LRBA: variants seen among roughly 807,000 people sequenced by gnomAD.
LRBA encodes the protein lipopolysaccharide-responsive and beige-like anchor protein.
A neutral mutation model predicts 330.0 loss-of-function variants in LRBA; 176 were observed. The ratio of observed to expected loss-of-function variants is 0.53; its 90% CI spans 0.47 to 0.60. The LOEUF is 0.60. Ranked by LOEUF, LRBA falls within the 20% of genes least tolerant of loss-of-function variation. LRBA has a pLI of 0.00. For synonymous variants in LRBA, 1,230 were observed against 1,193.0 expected (o/e 1.03, Z -0.64); for missense variants, 3,259 against 3,444.8 (o/e 0.95, Z 1.35).
At chr4:150,889,912 C>G (rs1729300036) in intron 17 of LRBA, among the ~76,000 whole-genome samples, 1 of 151,694 alleles carries the variant, frequency 6.6e-6, no homozygotes, top group South Asian at 2.1e-4. Context: ...AGTGCCACAA[C>G]AAAATTTTAT....
At chr4:150,463,899 G>T (rs1223651525) in intron 44 of LRBA, among the ~76,000 whole-genome samples, 1 of 151,710 alleles carries the variant, frequency 6.6e-6, no homozygotes, top group African/African-American at 2.4e-5. Context: ...CAAAGATGAG[G>T]GGCAGAGAAT....
intron 36 of LRBA, among the ~76,000 whole-genome samples, chr4:150,720,158 A>C (rs1195131592): frequency 6.6e-6 from 1 of 152,164 alleles, no homozygotes; most frequent in South Asian, 2.1e-4. Context: ...AGCCAACAGA[A>C]TATCTGCACA....
intron 2 of LRBA, among the ~76,000 whole-genome samples, chr4:150,973,127 A>T (rs1561077482): frequency 6.7e-6 from 1 of 149,344 alleles, no homozygotes; most frequent in Non-Finnish European, 1.5e-5. Flanking sequence ...CTCTATTTTT[A>T]AAATTAAATA....
chr4:150,705,953 G>A lies in LRBA; in HGVS notation c.5755-22236C>T, dbSNP rs1411782861. ...AGTCAATTCAATTAGACAAGGAAAC[G>A]TAATTACAAGAATTAAAGTTGGTAA... On this transcript the variant is annotated intron_variant, in intron 36 of 56. Transcript: ENST00000651943. Among the ~76,000 whole-genome samples the A allele has an allele frequency of 2.6e-5, 4 of 151,868 alleles. No individual in the cohort carries two copies. In the South Asian group the frequency reaches 6.2e-4, roughly 24 times the overall value.
rs534521476 is a variant in LRBA at position 150,783,417 on chromosome 4, C to T, written c.5580+14664G>A. 1.1e-3 allele frequency among the ~76,000 whole-genome samples: 167 copies of T among 152,200 alleles called. 1 individual carries two copies. The highest frequency in any genetic ancestry group is 3.2e-3 in the African/African-American group (132 of 41,528). Reference sequence around the variant, plus strand: ...GCTCTCAAGTAAAGAAATAGGTAAGCTTTTCTGAGAAAAAGAAATAAAAAG... The same window carrying T: ...GCTCTCAAGTAAAGAAATAGGTAAGTTTTTCTGAGAAAAAGAAATAAAAAG... On this transcript the variant is annotated intron_variant, in intron 34 of 56. Coordinates refer to ENST00000651943, the MANE Select transcript of LRBA (RefSeq NM_001364905.1).
intron 37 of LRBA, among the ~76,000 whole-genome samples, chr4:150,647,352 CTTTTTTTTTT>C (rs769403201): frequency 1.3e-5 from 1 of 79,798 alleles, no homozygotes. Flanking sequence ...ATTACTTTTT[CTTTTTTTTTT>C]TTTTTTTTTT....
At chr4:150,265,949 G>GTAT in intron 56 of LRBA, 137 bp from the exon 57 acceptor site, 1 of 623,112 alleles carries the variant, frequency 1.6e-6, no homozygotes, top group Admixed American at 2.4e-5. Flanking sequence ...ACTAAGGTAT[G>GTAT]TATTTCATGA....
intron 53 of LRBA, among the ~76,000 whole-genome samples, chr4:150,288,077 C>T (rs569060089): frequency 2.6e-5 from 4 of 151,940 alleles, no homozygotes; most frequent in African/African-American, 4.8e-5. Context: ...CTGCCAGCTC[C>T]GCCTTCCAGG....
chr4:150,324,748 T>C (rs1334088345), intron 49 of LRBA, among the ~76,000 whole-genome samples: 4 of 152,198 alleles, frequency 2.6e-5, no homozygotes, highest in Non-Finnish European at 4.4e-5. Context: ...CTTTATATAA[T>C]TGTTAATTAT....
At chr4:150,519,006 T>C (rs1005510082) in intron 40 of LRBA, among the ~76,000 whole-genome samples, 2 of 152,196 alleles carry the variant, frequency 1.3e-5, no homozygotes, top group African/African-American at 4.8e-5. Context: ...ATTTTTATGT[T>C]GATACAAATA....
At chr4:150,639,153 T>A in intron 37 of LRBA, among the ~76,000 whole-genome samples, 1 of 145,168 alleles carries the variant, frequency 6.9e-6, no homozygotes, top group East Asian at 2.0e-4. Context: ...AATTGAACGA[T>A]GAGATCACAC....
intron 54 of LRBA, among the ~76,000 whole-genome samples, chr4:150,283,624 T>C (rs1377046241): frequency 6.6e-6 from 1 of 152,218 alleles, no homozygotes; most frequent in Non-Finnish European, 1.5e-5. Context: ...ACTCAGGTAG[T>C]TGATAAATTT....
intron 40 of LRBA, among the ~76,000 whole-genome samples, chr4:150,511,547 T>A (rs1761837608): frequency 6.6e-6 from 1 of 152,210 alleles, no homozygotes; most frequent in Admixed American, 6.5e-5. Flanking sequence ...CAATGCAGCT[T>A]CTTTCAACGT....
rs141276136 is a variant in LRBA at position 150,673,177 on chromosome 4, C to A, written c.5921+10374G>T. 8.3e-3 allele frequency among the ~76,000 whole-genome samples: 1,256 copies of A among 152,192 alleles called. 12 individuals are homozygous for A. Among genetic ancestry groups the A allele is most frequent in the African/African-American group, 0.029 (1,190 of 41,534 alleles). On this transcript the variant is annotated intron_variant, in intron 37 of 56. Transcript: ENST00000651943. ...TCATGACCTACAGTGTTGAAAATCTCTATATATCACTGTATCAGATATTTT... is the reference window on the plus strand; with the variant it reads ...TCATGACCTACAGTGTTGAAAATCTATATATATCACTGTATCAGATATTTT...
chr4:150,662,535 G>C (rs1045204860), intron 37 of LRBA, among the ~76,000 whole-genome samples: 1 of 152,234 alleles, frequency 6.6e-6, no homozygotes, highest in African/African-American at 2.4e-5. Flanking sequence ...CCAATATGTA[G>C]ACAAGGTTAA....
chr4:150,282,318 T>C, intron 55 of LRBA, 132 bp downstream of exon 55: 1 of 750,184 alleles, frequency 1.3e-6, no homozygotes, highest in Non-Finnish European at 2.3e-6. Flanking sequence ...TACCTAAAGA[T>C]TTTTTGTTGG....
At chr4:150,483,025 A>C (rs1242515019) in intron 42 of LRBA, among the ~76,000 whole-genome samples, 1 of 152,072 alleles carries the variant, frequency 6.6e-6, no homozygotes, top group Non-Finnish European at 1.5e-5. Flanking sequence ...TTTTAATGAA[A>C]TCAATTAAAG....
At position 150,350,018 on chromosome 4, in the gene LRBA, A is replaced by G; in HGVS notation, c.7336T>C (p.Ser2446Pro). Residue 2446 changes from serine (S) to proline (P), a missense_variant, in exon 48 of 57, where the codon TCA becomes CCA. By Grantham distance (74) the Ser-to-Pro change is moderately conservative. Coordinates refer to ENST00000651943, the MANE Select transcript of LRBA (RefSeq NM_001364905.1). ...LTYEGAVNLN[S>P]ITDPVLREAV... ...TCTCTCAACACAGGATCAGTTATTG[A>G]ATTCAGATTGACAGCTCCTTCATAG... 1 of 1,613,736 alleles carries G rather than the reference A, an allele frequency of 6.2e-7. No individual in the cohort carries two copies.
intron 41 of LRBA, among the ~76,000 whole-genome samples, chr4:150,489,317 T>C (rs1425752238): frequency 3.2e-5 from 2 of 62,922 alleles, no homozygotes; most frequent in African/African-American, 6.8e-5. Flanking sequence ...TATAAGAATA[T>C]ATAAAATATA....
Sources: gnomAD v4.1 joint callset for allele counts (sites outside exome capture counted in the v4.1 genomes callset) on GRCh38, gnomAD v4.1.1 for gene constraint, MANE v1.5 for transcripts, NCBI Gene and HGNC (gene_info 2026-07-23, HGNC 2026-07-21) for gene names.